UGGT2: variants seen among roughly 807,000 people sequenced by gnomAD.
UGGT2 encodes the protein UDP-glucose:glycoprotein glucosyltransferase 2.
UGGT2 carries 180 observed loss-of-function variants against 192.1 expected under a neutral mutation model. The observed-to-expected ratio is 0.94, with a 90% CI of 0.83 to 1.06. The LOEUF (loss-of-function observed/expected upper bound fraction) is 1.06, where lower values mean the gene tolerates loss of function less well. UGGT2 is among the 50% of genes least tolerant of loss of function. The probability of loss-of-function intolerance (pLI) is 0.00; values close to 1 mark genes in which losing one functional copy is unlikely to be tolerated. For missense variants in UGGT2, 1,849 were observed against 1,795.7 expected (o/e 1.03, Z -0.54); for synonymous variants, 580 against 591.0 (o/e 0.98, Z 0.27).
chr13:95,815,923 C>T (rs1884840425), intron 38 of UGGT2, among the ~76,000 whole-genome samples: 1 of 152,134 alleles, frequency 6.6e-6, no homozygotes, highest in Non-Finnish European at 1.5e-5. Context: ...CGGTGCTCTT[C>T]TTGTGATAGT....
At chr13:96,027,176 G>A (rs565297) in intron 2 of UGGT2, among the ~76,000 whole-genome samples, 130,933 of 152,212 alleles carry the variant, frequency 0.86, 56,575 homozygotes, top group East Asian at 0.93. Flanking sequence ...TTAATGTAAT[G>A]ACATCTAAAA....
intron 6 of UGGT2, 143 bp from the exon 7 acceptor site, chr13:95,996,278 A>C (rs1292970614): frequency 1.7e-5 from 11 of 659,312 alleles, no homozygotes; most frequent in Non-Finnish European, 2.7e-5. Flanking sequence ...GAGGTGGGTA[A>C]ATCACTTGAG....
intron 27 of UGGT2, among the ~76,000 whole-genome samples, chr13:95,880,485 G>A (rs947747304): frequency 2.0e-5 from 3 of 152,144 alleles, no homozygotes; most frequent in Non-Finnish European, 4.4e-5. Context: ...TCAGGACTCT[G>A]GGCAAAAATC....
intron 20 of UGGT2, among the ~76,000 whole-genome samples, chr13:95,922,854 C>T (rs1359243852): frequency 6.6e-6 from 1 of 151,868 alleles, no homozygotes; most frequent in Non-Finnish European, 1.5e-5. Flanking sequence ...CAAAACAAAA[C>T]AAAAAAATTT....
chr13:95,829,995 T>C (rs910231348), intron 38 of UGGT2, among the ~76,000 whole-genome samples: 7 of 152,214 alleles, frequency 4.6e-5, no homozygotes, highest in African/African-American at 1.7e-4. Context: ...AACCATCTGA[T>C]CTTTGACAAA....
intron 2 of UGGT2, among the ~76,000 whole-genome samples, chr13:96,029,452 A>T (rs912300821): frequency 1.3e-5 from 2 of 151,780 alleles, no homozygotes; most frequent in Non-Finnish European, 2.9e-5. Context: ...CGCCCAGCTA[A>T]TTTGTGTATT....
At chr13:95,961,953 A>C (rs150424548) in intron 12 of UGGT2, among the ~76,000 whole-genome samples, 186 of 152,308 alleles carry the variant, frequency 1.2e-3, no homozygotes, top group Non-Finnish European at 2.1e-3. Flanking sequence ...AAGCAATACA[A>C]ACACATGGAA....
At chr13:95,942,221 GGTGTGT>G (rs370041064) in intron 15 of UGGT2, among the ~76,000 whole-genome samples, 3,898 of 117,924 alleles carry the variant, frequency 0.033, 72 homozygotes, top group African/African-American at 0.07. Context: ...TTAGGGTGAG[GGTGTGT>G]GTGTGTGTGT....
chr13:96,027,407 G>A (rs1018118054), intron 2 of UGGT2, among the ~76,000 whole-genome samples: 1 of 152,094 alleles, frequency 6.6e-6, no homozygotes, highest in African/African-American at 2.4e-5. Context: ...TGGATGCATT[G>A]GGCTATTTTG....
chr13:95,920,155 A>C (rs1447751188), intron 20 of UGGT2, among the ~76,000 whole-genome samples: 1 of 152,228 alleles, frequency 6.6e-6, no homozygotes, highest in Non-Finnish European at 1.5e-5. Flanking sequence ...CCATATGCAG[A>C]AAACTGAAAC....
rs1211463329 is a variant in UGGT2, at chr13:95,859,638, G to C, written c.3778C>G (p.Pro1260Ala). The C allele has an allele frequency of 1.9e-6, 3 of 1,610,096 alleles. No individual in the cohort carries two copies. The highest frequency in any genetic ancestry group is 1.3e-5 in the African/African-American group (1 of 74,738). The change falls in exon 33 of 39, where the codon CCA becomes GCA. Residue 1260 changes from proline (P) to alanine (A), a missense_variant. Pro to Ala is a conservative substitution (Grantham distance 27). Transcript: ENST00000376747. ...MLSVLRNTKT[P>A]VKFWLLKNYL... Reference sequence around the variant, plus strand: ...TTTTTTAGCAACCAGAATTTCACTGGTGTTTTGGTGTTACGCAAAACAGAA... The same window carrying C: ...TTTTTTAGCAACCAGAATTTCACTGCTGTTTTGGTGTTACGCAAAACAGAA...
Position 95,877,906 on chromosome 13 carries a change from A to T in UGGT2, c.3229-50T>A, listed in dbSNP as rs746857176. Reference sequence around the variant, plus strand: ...TTTGGTGTTATGTAAAACTCATAATACAAAATTTTGAAATAAATAAATGTG... The same window carrying T: ...TTTGGTGTTATGTAAAACTCATAATTCAAAATTTTGAAATAAATAAATGTG... On this transcript the variant is annotated intron_variant, in intron 27 of 38. Transcript: ENST00000376747. 5.9e-6 allele frequency: 9 copies of T among 1,524,618 alleles called. No homozygotes were observed. The South Asian group carries it at 1.0e-4, about 18-fold the overall frequency. 94.4% of individuals were successfully genotyped at this position (1,524,618 alleles called of 1,614,324 possible).
At chr13:96,007,929 A>G (rs1003983715) in intron 5 of UGGT2, among the ~76,000 whole-genome samples, 1 of 152,306 alleles carries the variant, frequency 6.6e-6, no homozygotes. Flanking sequence ...TGCCAGGATC[A>G]TACACTGGGG....
intron 38 of UGGT2, among the ~76,000 whole-genome samples, chr13:95,802,829 G>A (rs1388980171): frequency 2.0e-5 from 3 of 151,940 alleles, no homozygotes; most frequent in African/African-American, 7.2e-5. Flanking sequence ...TTGTTTGTTT[G>A]TTTGTTTGTT....
At chr13:95,818,050 T>A (rs1400148124) in intron 38 of UGGT2, among the ~76,000 whole-genome samples, 1 of 152,178 alleles carries the variant, frequency 6.6e-6, no homozygotes, top group Non-Finnish European at 1.5e-5. Context: ...CTCATGCCTA[T>A]TATCCCAACG....
chr13:96,048,735 G>T (rs1439804910), intron 1 of UGGT2, among the ~76,000 whole-genome samples: 1 of 152,140 alleles, frequency 6.6e-6, no homozygotes, highest in African/African-American at 2.4e-5. Flanking sequence ...AGAAAATCTA[G>T]AAGAAATGGA....
intron 36 of UGGT2, among the ~76,000 whole-genome samples, chr13:95,840,668 A>C (rs1293609820): frequency 1.3e-5 from 2 of 152,188 alleles, no homozygotes; most frequent in African/African-American, 4.8e-5. Flanking sequence ...CTACGACCAG[A>C]AACACCATTT....
intron 20 of UGGT2, among the ~76,000 whole-genome samples, chr13:95,915,445 A>G (rs1594316423): frequency 6.6e-6 from 1 of 152,254 alleles, no homozygotes; most frequent in East Asian, 1.9e-4. Flanking sequence ...CACAAGAGAA[A>G]AGATCTTAAT....
In UGGT2 at chr13:95,928,352, CCCGGACAGGACGG is replaced by C. The variant is rs1406174875; in HGVS notation, c.1978-1029_1978-1017del. ...GCCTGGCGAGGGCTGCCCCCCACCT[CCCGGACAGGACGG>C]CTGCCGGGCGGAGACGCTCCTCACT... is the stretch of plus-strand genomic sequence containing the variant. On this transcript the variant is annotated intron_variant, in intron 17 of 38. Transcript: ENST00000376747. Among the ~76,000 whole-genome samples the C allele has an allele frequency of 3.4e-4, 29 of 84,866 alleles. No homozygotes were observed. In the Admixed American group the frequency reaches 3.9e-3, roughly 12 times the overall value. The allele number at this position is 84,866 out of a possible 152,430, so 55.7% of individuals were successfully genotyped here. A position where few individuals can be genotyped will look rare whatever the true frequency, so the allele number is the denominator to read the frequency against.
Sources: gnomAD v4.1 joint callset for allele counts (sites outside exome capture counted in the v4.1 genomes callset) on GRCh38, gnomAD v4.1.1 for gene constraint, MANE v1.5 for transcripts, NCBI Gene and HGNC (gene_info 2026-07-23, HGNC 2026-07-21) for gene names.